Variants in NRXN3 observed in about 807,000 individuals in gnomAD.
The protein encoded by NRXN3 is neurexin III.
In NRXN3, 32 loss-of-function variants were observed where a neutral mutation model predicts 137.6. That is an observed-to-expected ratio of 0.23 (90% confidence interval 0.18 to 0.31). The LOEUF is 0.31. NRXN3 is among the 10% of genes least tolerant of loss of function. The pLI is 1.00. For synonymous variants in NRXN3, 798 were observed against 784.5 expected (o/e 1.02, Z -0.29); for missense variants, 1,574 against 2,062.5 (o/e 0.76, Z 4.59).
chr14:78,805,752 C>T (rs1284311161), intron 9 of NRXN3, among the ~76,000 whole-genome samples: 1 of 152,092 alleles, frequency 6.6e-6, no homozygotes, highest in Admixed American at 6.5e-5. Context: ...AGGGAGTGTA[C>T]ACAGTGTCAT....
chr14:78,336,236 G>C (rs1331208858), intron 4 of NRXN3, among the ~76,000 whole-genome samples: 1 of 152,176 alleles, frequency 6.6e-6, no homozygotes, highest in Admixed American at 6.5e-5. Flanking sequence ...GTTGCAGTGA[G>C]GCTGGGACCT....
intron 19 of NRXN3, among the ~76,000 whole-genome samples, chr14:79,741,672 G>A (rs1377707000): frequency 2.0e-5 from 3 of 151,974 alleles, no homozygotes; most frequent in Non-Finnish European, 4.4e-5. Flanking sequence ...TTTTAGTAGA[G>A]ATGGGGTTTT....
intron 6 of NRXN3, among the ~76,000 whole-genome samples, chr14:78,684,871 C>T (rs1160881064): frequency 1.3e-5 from 2 of 152,160 alleles, no homozygotes; most frequent in African/African-American, 4.8e-5. Flanking sequence ...GTAAGTTATA[C>T]ATAAATATCA....
intron 10 of NRXN3, among the ~76,000 whole-genome samples, chr14:78,825,196 C>CAA (rs11335474): frequency 2.9e-4 from 22 of 75,782 alleles, no homozygotes; most frequent in South Asian, 2.5e-3. Flanking sequence ...GACTCTGCCT[C>CAA]AAAAAAAAAA....
intron 15 of NRXN3, among the ~76,000 whole-genome samples, chr14:79,167,488 A>G (rs1260767730): frequency 6.6e-6 from 1 of 152,054 alleles, no homozygotes; most frequent in Non-Finnish European, 1.5e-5. Context: ...AGCCCACATT[A>G]GGGCACTGTT....
At chr14:79,365,725 C>CAAAAAAAAAAAAA (rs569855024) in intron 15 of NRXN3, among the ~76,000 whole-genome samples, 495 of 42,018 alleles carry the variant, frequency 0.012, 24 homozygotes, top group Middle Eastern at 0.025. Flanking sequence ...GACTCTGTCT[C>CAAAAAAAAAAAAA]AAAAAAAAAA....
chr14:79,739,048 T>G (rs2098951734), intron 19 of NRXN3, among the ~76,000 whole-genome samples: 1 of 152,278 alleles, frequency 6.6e-6, no homozygotes, highest in South Asian at 2.1e-4. Context: ...AATATGCAAA[T>G]TGAAGTTTCA....
chr14:78,774,817 G>C (rs931692956), intron 8 of NRXN3, among the ~76,000 whole-genome samples: 7 of 152,074 alleles, frequency 4.6e-5, no homozygotes, highest in African/African-American at 1.7e-4. Flanking sequence ...CCACCTACTT[G>C]GGAGGCTGAG....
intron 8 of NRXN3, among the ~76,000 whole-genome samples, chr14:78,766,864 T>A (rs1359178663): frequency 2.0e-5 from 3 of 152,214 alleles, no homozygotes; most frequent in Non-Finnish European, 4.4e-5. Flanking sequence ...AAAATGAGGT[T>A]TGAAATTCAT....
At position 79,002,681 on chromosome 14, in the gene NRXN3, G is replaced by A. The variant is rs189908184; in HGVS notation, c.3262+14540G>A. ...GTGAATAGTGCTGCAATGAACATAC[G>A]CATGCATGTATCTTTGTAATAGAAT... On this transcript the variant is annotated intron_variant, in intron 15 of 20. Transcript: ENST00000335750. Among the ~76,000 whole-genome samples, 17 of 152,176 alleles carry A rather than the reference G, an allele frequency of 1.1e-4. No individual in the cohort carries two copies. The South Asian group carries it at 1.2e-3, about 11-fold the overall frequency.
chr14:79,665,977 C>T (rs1181178953), intron 17 of NRXN3, among the ~76,000 whole-genome samples: 1 of 152,032 alleles, frequency 6.6e-6, no homozygotes, highest in Non-Finnish European at 1.5e-5. Context: ...TAAGTATGGG[C>T]CTTGGAGTCA....
At chr14:78,564,196 A>G (rs777275825) in intron 4 of NRXN3, among the ~76,000 whole-genome samples, 10 of 152,192 alleles carry the variant, frequency 6.6e-5, no homozygotes, top group Admixed American at 2.0e-4. Flanking sequence ...TGGAGAGAGG[A>G]GGTGAATTCT....
chr14:79,485,951 G>T (rs572173727), intron 16 of NRXN3, among the ~76,000 whole-genome samples: 3 of 152,082 alleles, frequency 2.0e-5, no homozygotes, highest in African/African-American at 7.2e-5. Flanking sequence ...ACAAATCCAG[G>T]CTTCAAATAT....
At chr14:78,356,116 G>C (rs1427111576) in intron 4 of NRXN3, among the ~76,000 whole-genome samples, 5 of 152,198 alleles carry the variant, frequency 3.3e-5, no homozygotes, top group African/African-American at 1.2e-4. Context: ...TGTTGACACA[G>C]AAATTCTCAC....
intron 15 of NRXN3, among the ~76,000 whole-genome samples, chr14:79,224,270 G>C (rs183418300): frequency 4.1e-4 from 62 of 152,234 alleles, no homozygotes; most frequent in Admixed American, 2.1e-3. Context: ...TTTGGACAAT[G>C]CATTCTTTTT....
At chr14:78,460,037 G>A (rs1220862347) in intron 4 of NRXN3, among the ~76,000 whole-genome samples, 2 of 152,204 alleles carry the variant, frequency 1.3e-5, no homozygotes, top group Admixed American at 6.5e-5. Context: ...TGATTGATTT[G>A]CTAGAGAAAC....
chr14:78,423,036 G>A (rs1567548063), intron 4 of NRXN3, among the ~76,000 whole-genome samples: 1 of 152,194 alleles, frequency 6.6e-6, no homozygotes, highest in East Asian at 1.9e-4. Flanking sequence ...CAGGCTAATT[G>A]TAGAGTTAGT....
intron 16 of NRXN3, among the ~76,000 whole-genome samples, chr14:79,568,116 A>T (rs1045966983): frequency 7.2e-5 from 11 of 152,162 alleles, no homozygotes; most frequent in Admixed American, 7.2e-4. Context: ...TTCACCGCAA[A>T]TACAGGGCTA....
chr14:79,062,968 ATAG>A (rs1160548041), intron 15 of NRXN3, among the ~76,000 whole-genome samples: 4 of 152,164 alleles, frequency 2.6e-5, no homozygotes, highest in Non-Finnish European at 5.9e-5. Flanking sequence ...AGTAATTTGT[ATAG>A]TATGTATTTT....
Sources: allele counts gnomAD v4.1 joint callset (sites outside exome capture counted in the v4.1 genomes callset), GRCh38; gene constraint gnomAD v4.1.1; transcripts MANE v1.5; gene names NCBI Gene and HGNC (gene_info 2026-07-23, HGNC 2026-07-21).